RNF150: variants seen among roughly 807,000 people sequenced by gnomAD.
The protein encoded by RNF150 is ring finger protein 150.
RNF150 carries 24 observed loss-of-function variants against 39.3 expected under a neutral mutation model. That is an observed-to-expected ratio of 0.61 (90% CI 0.44 to 0.86). RNF150 has a LOEUF of 0.86. RNF150 is among the 40% of genes least tolerant of loss of function. RNF150 has a pLI of 0.00. For missense variants in RNF150, 502 were observed against 587.8 expected (o/e 0.85, Z 1.51); for synonymous variants, 255 against 227.3 (o/e 1.12, Z -1.10).
chr4:140,980,148 T>C (rs1001992946), intron 1 of RNF150, among the ~76,000 whole-genome samples: 1 of 152,076 alleles, frequency 6.6e-6, no homozygotes, highest in Non-Finnish European at 1.5e-5. Flanking sequence ...GTTCAAGTGA[T>C]TCTCCTGTCT....
chr4:140,864,074 C>T lies in RNF150; in HGVS notation c.*4187G>A, dbSNP rs191704613. 2.0e-5 allele frequency: 3 copies of T among 152,242 alleles called. No individual in the cohort carries two copies. The highest frequency in any genetic ancestry group is 7.2e-5 in the African/African-American group (3 of 41,518). The allele number at this position is 152,242 out of a possible 1,614,324, so 9.4% of individuals were successfully genotyped here. ...GACCAAACCCAGATCTATGAATTTC[C>T]AGGATATTTCACCAGGATGAAGGAA... is the stretch of plus-strand genomic sequence containing the variant. On this transcript the variant is annotated 3_prime_UTR_variant, in exon 7 of 7. Coordinates refer to ENST00000515673, the MANE Select transcript of RNF150 (RefSeq NM_020724.2).
intron 1 of RNF150, among the ~76,000 whole-genome samples, chr4:141,013,284 A>G (rs1462099239): frequency 2.0e-5 from 3 of 152,098 alleles, no homozygotes; most frequent in Non-Finnish European, 4.4e-5. Context: ...TGGTGGATAC[A>G]TGATACAATG....
chr4:141,194,806 G>A (rs1728170699), intron 1 of RNF150, among the ~76,000 whole-genome samples: 1 of 152,110 alleles, frequency 6.6e-6, no homozygotes, highest in African/African-American at 2.4e-5. Context: ...GCATAAACAT[G>A]GAGCCAGACT....
chr4:141,208,672 A>G (rs567079037), intron 1 of RNF150, among the ~76,000 whole-genome samples: 1 of 152,314 alleles, frequency 6.6e-6, no homozygotes, highest in South Asian at 2.1e-4. Context: ...AAACAGGGTT[A>G]AGGTCTTTTG....
intron 1 of RNF150, among the ~76,000 whole-genome samples, chr4:141,069,707 G>C (rs894295408): frequency 9.7e-4 from 146 of 150,448 alleles, no homozygotes; most frequent in African/African-American, 3.4e-3. Flanking sequence ...TTTTTGGTTG[G>C]TAAACTATTG....
intron 2 of RNF150, among the ~76,000 whole-genome samples, chr4:140,964,800 C>T (rs918226945): frequency 1.3e-5 from 2 of 151,654 alleles, no homozygotes; most frequent in African/African-American, 2.4e-5. Context: ...CATGAACAGC[C>T]GTGAGACATT....
At chr4:141,135,963 C>T (rs189147791), upstream of RNF150, among the ~76,000 whole-genome samples, 5 of 152,198 alleles carry the variant, frequency 3.3e-5, no homozygotes, top group Admixed American at 6.5e-5. Context: ...GAACAATACA[C>T]GGCATGGTCT....
intron 1 of RNF150, among the ~76,000 whole-genome samples, chr4:141,019,060 ATATATATATATATATATATATG>A (rs1469582142): frequency 1.0e-5 from 1 of 96,698 alleles, no homozygotes; most frequent in Non-Finnish European, 2.3e-5. Flanking sequence ...ATATATATAT[ATATATATATATATATATATATG>A]GAACTTTACA....
chr4:140,998,658 G>A (rs1338143014), intron 1 of RNF150, among the ~76,000 whole-genome samples: 2 of 152,202 alleles, frequency 1.3e-5, no homozygotes, highest in African/African-American at 4.8e-5. Context: ...CTGCAGAGGA[G>A]CACCACTGTA....
intron 1 of RNF150, among the ~76,000 whole-genome samples, chr4:141,019,527 T>C (rs980509288): frequency 2.6e-5 from 4 of 152,080 alleles, no homozygotes. Context: ...AATTGAGCTG[T>C]TTTCAGGATT....
intron 1 of RNF150, among the ~76,000 whole-genome samples, chr4:140,983,527 T>G (rs948466935): frequency 6.6e-6 from 1 of 152,054 alleles, no homozygotes; most frequent in Admixed American, 6.6e-5. Context: ...AATAATACAG[T>G]GTATAATGCA....
intron 1 of RNF150, among the ~76,000 whole-genome samples, chr4:141,068,032 G>C (rs189741107): frequency 5.9e-5 from 9 of 151,406 alleles, no homozygotes; most frequent in South Asian, 4.2e-4. Context: ...TGCAACCTCT[G>C]CCTCCCAGGT....
At chr4:141,068,255 C>A (rs1426064400) in intron 1 of RNF150, among the ~76,000 whole-genome samples, 1 of 152,182 alleles carries the variant, frequency 6.6e-6, no homozygotes, top group African/African-American at 2.4e-5. Context: ...AAGATACATT[C>A]TTCTCAGTGA....
chr4:141,081,101 C>T (rs1578706964), intron 1 of RNF150, among the ~76,000 whole-genome samples: 1 of 152,366 alleles, frequency 6.6e-6, no homozygotes, highest in Admixed American at 6.5e-5. Context: ...GCATCCATTA[C>T]TGCCATAATA....
chr4:140,957,614 G>T (rs1048099758), intron 2 of RNF150, among the ~76,000 whole-genome samples: 1 of 151,844 alleles, frequency 6.6e-6, no homozygotes, highest in Non-Finnish European at 1.5e-5. Flanking sequence ...TGTTTATTGC[G>T]GCATTATTCA....
At chr4:140,970,240 G>A (rs532238659) in intron 1 of RNF150, among the ~76,000 whole-genome samples, 5 of 152,132 alleles carry the variant, frequency 3.3e-5, no homozygotes, top group African/African-American at 4.8e-5. Flanking sequence ...AGCAATCTTC[G>A]ATTTAATAAC....
chr4:141,167,697 A>T (rs899911539), intron 1 of RNF150, among the ~76,000 whole-genome samples: 2 of 152,192 alleles, frequency 1.3e-5, no homozygotes, highest in Non-Finnish European at 2.9e-5. Flanking sequence ...TGGGGAAAAA[A>T]TTCCCTATTT....
At chr4:141,198,573 G>T (rs1578793282) in intron 1 of RNF150, among the ~76,000 whole-genome samples, 2 of 152,222 alleles carry the variant, frequency 1.3e-5, no homozygotes, top group Non-Finnish European at 2.9e-5. Flanking sequence ...AACAGATGAT[G>T]ACAAGAGCGA....
At chr4:141,172,943 T>C (rs1347663627) in intron 1 of RNF150, among the ~76,000 whole-genome samples, 3 of 152,006 alleles carry the variant, frequency 2.0e-5, no homozygotes, top group East Asian at 3.9e-4. Flanking sequence ...GGAGAATCGC[T>C]TGAACCCGGG....
Sources: gnomAD v4.1 joint callset for allele counts (sites outside exome capture counted in the v4.1 genomes callset) on GRCh38, gnomAD v4.1.1 for gene constraint, MANE v1.5 for transcripts, NCBI Gene and HGNC (gene_info 2026-07-23, HGNC 2026-07-21) for gene names.